The following DENND2A variants were observed in gnomAD, a reference collection of about 807,000 sequenced individuals.
DENND2A encodes the protein DENN domain containing 2A.
In DENND2A, 53 loss-of-function variants were observed where a neutral mutation model predicts 105.3. The ratio of observed to expected loss-of-function variants is 0.50; its 90% CI spans 0.40 to 0.63. DENND2A has a LOEUF of 0.63. DENND2A is among the 30% of genes least tolerant of loss of function. The pLI, the probability that DENND2A is intolerant of heterozygous loss-of-function variation, is 0.00. For synonymous variants in DENND2A, 522 were observed against 508.4 expected (o/e 1.03, Z -0.36); for missense variants, 1,138 against 1,279.6 (o/e 0.89, Z 1.69).
At chr7:140,593,559 G>A (rs1431970460) in intron 3 of DENND2A, among the ~76,000 whole-genome samples, 1 of 152,136 alleles carries the variant, frequency 6.6e-6, no homozygotes, top group Non-Finnish European at 1.5e-5. Flanking sequence ...CTCCCATTTG[G>A]ACAATGCGGA....
chr7:140,615,685 G>A lies in DENND2A; in HGVS notation c.-247-9879C>T, dbSNP rs141917710. On this transcript the variant is annotated intron_variant, in intron 1 of 19. Transcript: ENST00000496613. ...AGCTAGCTGTGACTGAGGCAAGAGCGCACCACCCTGTCCGGCTATTTTTTT... is the reference window on the plus strand; with the variant it reads ...AGCTAGCTGTGACTGAGGCAAGAGCACACCACCCTGTCCGGCTATTTTTTT... Among the ~76,000 whole-genome samples the A allele has an allele frequency of 6.0e-3, 916 of 151,728 alleles. 6 individuals carry two copies. Among genetic ancestry groups the A allele is most frequent in the African/African-American group, 0.02 (840 of 41,332 alleles).
chr7:140,575,542 G>C (rs1253017926), intron 5 of DENND2A, among the ~76,000 whole-genome samples: 1 of 152,154 alleles, frequency 6.6e-6, no homozygotes, highest in Non-Finnish European at 1.5e-5. Context: ...TTGTGCAAAG[G>C]ATATTGTACA....
At chr7:140,561,022 G>T (rs1238957158) in intron 9 of DENND2A, among the ~76,000 whole-genome samples, 1 of 152,018 alleles carries the variant, frequency 6.6e-6, no homozygotes, top group Non-Finnish European at 1.5e-5. Context: ...AGAAATTTGT[G>T]ATTTTTTTTC....
At chr7:140,526,669 A>G (rs1275985208) in intron 15 of DENND2A, among the ~76,000 whole-genome samples, 1 of 152,114 alleles carries the variant, frequency 6.6e-6, no homozygotes, top group Non-Finnish European at 1.5e-5. Flanking sequence ...GGTGATGTTT[A>G]ATGGGGCGTT....
At chr7:140,606,747 T>C (rs1362631313) in intron 1 of DENND2A, among the ~76,000 whole-genome samples, 3 of 152,064 alleles carry the variant, frequency 2.0e-5, no homozygotes, top group Non-Finnish European at 2.9e-5. Flanking sequence ...CCCACTGAGT[T>C]CCTTAAACCC....
chr7:140,616,140 C>A (rs1800078158), intron 1 of DENND2A, among the ~76,000 whole-genome samples: 1 of 151,944 alleles, frequency 6.6e-6, no homozygotes, highest in Admixed American at 6.6e-5. Context: ...GATGATGTGG[C>A]CAGATCACCT....
chr7:140,518,715 T>C lies in DENND2A; in HGVS notation c.3022A>G (p.Lys1008Glu). 2 of 1,613,822 alleles carry C rather than the reference T, an allele frequency of 1.2e-6. No homozygotes were observed. Among genetic ancestry groups the C allele is most frequent in the Non-Finnish European group, 1.7e-6 (2 of 1,179,688 alleles). ...GLGNKMKFLH[K>E]K Reference sequence around the variant, plus strand: ...TCCCTTGAGGCTGAGAGTTATTTCTTGTGGAGAAATTTCATTTTATTGCCT... The same window carrying C: ...TCCCTTGAGGCTGAGAGTTATTTCTCGTGGAGAAATTTCATTTTATTGCCT... The change falls in exon 20 of 20, where the codon AAG (lysine) becomes GAG (glutamate). Residue 1008 changes from lysine (K) to glutamate (E), a missense_variant. Coordinates refer to ENST00000496613, the MANE Select transcript of DENND2A (RefSeq NM_015689.5).
At chr7:140,534,386 A>T (rs1163997588) in intron 14 of DENND2A, among the ~76,000 whole-genome samples, 2 of 152,242 alleles carry the variant, frequency 1.3e-5, no homozygotes, top group Middle Eastern at 3.4e-3. Context: ...CCCAGCCCAC[A>T]TCAATGTTCT....
In DENND2A at chr7:140,558,146, C is replaced by T; in HGVS notation, c.1956G>A (p.Leu652=). The T allele has an allele frequency of 1.2e-6, 2 of 1,613,158 alleles. No homozygotes were observed. Among genetic ancestry groups the T allele is most frequent in the Non-Finnish European group, 1.7e-6 (2 of 1,179,178 alleles). The change falls in exon 11 of 20, where the codon CTG becomes CTA. Residue 652 remains leucine (L), a synonymous_variant. Coordinates refer to ENST00000496613, the MANE Select transcript of DENND2A (RefSeq NM_015689.5). ...GCTGAAAGCAGAATGTACTCACCAG[C>T]AGTCTTCGGCAGTAACCGAACCTTC... ...GSRRFGYCRR[L]LPGGKGKRLP...
At chr7:140,562,376 C>A (rs993507230) in intron 9 of DENND2A, among the ~76,000 whole-genome samples, 1 of 151,846 alleles carries the variant, frequency 6.6e-6, no homozygotes, top group Non-Finnish European at 1.5e-5. Flanking sequence ...AAAACCACTT[C>A]CTGGCTGGGG....
intron 3 of DENND2A, among the ~76,000 whole-genome samples, chr7:140,598,125 A>T (rs908797560): frequency 3.9e-5 from 6 of 152,236 alleles, no homozygotes; most frequent in Non-Finnish European, 8.8e-5. Context: ...TAAAAGAATA[A>T]TAAACCAGGC....
At chr7:140,592,597 C>CTTTT (rs112671241) in intron 3 of DENND2A, among the ~76,000 whole-genome samples, 1 of 148,252 alleles carries the variant, frequency 6.7e-6, no homozygotes, top group Non-Finnish European at 1.5e-5. Flanking sequence ...CGTGCCCTGC[C>CTTTT]CTTTTTTTTT....
intron 2 of DENND2A, among the ~76,000 whole-genome samples, chr7:140,602,881 G>A (rs907863291): frequency 4.6e-5 from 7 of 152,098 alleles, no homozygotes; most frequent in Admixed American, 1.3e-4. Context: ...AGGAGCAATC[G>A]GGTTTAGGAG....
Position 140,523,224 on chromosome 7 carries a change from C to G in DENND2A, c.2665+83G>C. ...TATGTCTCCCTTGCCCATATTCCTA[C>G]TTGGCCCTTGGCCACTGCCCATTTG... is the stretch of plus-strand genomic sequence containing the variant. On this transcript the variant is annotated intron_variant, in intron 17 of 19. Transcript: ENST00000496613. This position sits in a 1 kb window ranked among gnomAD's most constrained non-coding sequence, Gnocchi z 4.5. The G allele has an allele frequency of 7.8e-7, 1 of 1,286,780 alleles. No homozygotes were observed. Among genetic ancestry groups the G allele is most frequent in the Non-Finnish European group, 1.1e-6 (1 of 884,674 alleles). 79.7% of individuals were successfully genotyped at this position (1,286,780 alleles called of 1,614,324 possible).
At chr7:140,585,738 C>T (rs779166477) in intron 4 of DENND2A, 28 bp from the exon 5 acceptor site, 1 of 1,613,820 alleles carries the variant, frequency 6.2e-7, no homozygotes, top group African/African-American at 1.3e-5. Flanking sequence ...GTGTCAGGAA[C>T]CTGGGAACAC....
intron 3 of DENND2A, among the ~76,000 whole-genome samples, chr7:140,589,027 G>A (rs976322039): frequency 6.6e-6 from 1 of 152,188 alleles, no homozygotes; most frequent in Admixed American, 6.5e-5. Context: ...ACAGGCGTGA[G>A]CCACTGTGCC....
At chr7:140,616,392 C>T (rs1445958173) in intron 1 of DENND2A, among the ~76,000 whole-genome samples, 1 of 151,978 alleles carries the variant, frequency 6.6e-6, no homozygotes, top group Non-Finnish European at 1.5e-5. Context: ...GGCCAATCCA[C>T]AGAGACAGAA....
rs10156199 is a variant in DENND2A at position 140,530,153 on chromosome 7, G to A, written c.2328-2658C>T. On this transcript the variant is annotated intron_variant, in intron 14 of 19. Coordinates refer to ENST00000496613, the MANE Select transcript of DENND2A (RefSeq NM_015689.5). Reference sequence around the variant, plus strand: ...GTGTGAAGATTACTTGAACCTGGAAGGTTGAGGCTGCAGTGAGCCGTGATC... The same window carrying A: ...GTGTGAAGATTACTTGAACCTGGAAAGTTGAGGCTGCAGTGAGCCGTGATC... 5.9e-3 allele frequency among the ~76,000 whole-genome samples: 898 copies of A among 152,124 alleles called. 7 individuals are homozygous for A. The highest frequency in any genetic ancestry group is 0.02 in the African/African-American group (830 of 41,494).
chr7:140,567,304 A>AGAGAG lies in DENND2A; in HGVS notation c.1592-32_1592-31insCTCTC, dbSNP rs1554470084. The AGAGAG allele has an allele frequency of 2.9e-3, 1,922 of 659,046 alleles. 6 individuals are homozygous for AGAGAG. Among genetic ancestry groups the AGAGAG allele is most frequent in the African/African-American group, 4.0e-3 (148 of 36,566 alleles). 40.8% of individuals were successfully genotyped at this position (659,046 alleles called of 1,614,324 possible). A position where few individuals can be genotyped will look rare whatever the true frequency, so the allele number is the denominator to read the frequency against. On this transcript the variant is annotated intron_variant, in intron 8 of 19. Coordinates refer to ENST00000496613, the MANE Select transcript of DENND2A (RefSeq NM_015689.5). ...TGAGGGAGGGAGAGAGAAAGAGAGAAAGAGAGAGAGAGAGAGAGAGAGAGA... is the reference window on the plus strand; with the variant it reads ...TGAGGGAGGGAGAGAGAAAGAGAGAAGAGAGAGAGAGAGAGAGAGAGAGAGAGAGA...
Sources: allele counts gnomAD v4.1 joint callset (sites outside exome capture counted in the v4.1 genomes callset), GRCh38; gene constraint gnomAD v4.1.1; non-coding constraint Gnocchi (gnomAD v3.1); transcripts MANE v1.5; gene names NCBI Gene and HGNC (gene_info 2026-07-23, HGNC 2026-07-21).